BCL2L1: variants seen among roughly 807,000 people sequenced by gnomAD.
BCL2L1 encodes the protein BCL2 like 1, also known as bcl-2-like protein 1.
A neutral mutation model predicts 18.7 loss-of-function variants in BCL2L1; 1 was observed. The ratio of observed to expected loss-of-function variants is 0.05; its 90% CI spans 0.02 to 0.25. BCL2L1 has a LOEUF of 0.25. Among genes scored for constraint, BCL2L1 ranks in the 10% least tolerant of loss-of-function variants. The pLI, the probability that BCL2L1 is intolerant of heterozygous loss-of-function variation, is 1.00. For missense variants in BCL2L1, 207 were observed against 304.9 expected (o/e 0.68, Z 2.39); for synonymous variants, 103 against 122.7 (o/e 0.84, Z 1.06).
At chr20:31,686,546 T>C (rs1393852471) in intron 2 of BCL2L1, among the ~76,000 whole-genome samples, 2 of 152,190 alleles carry the variant, frequency 1.3e-5, no homozygotes, top group Non-Finnish European at 2.9e-5. Flanking sequence ...AGAGTGGAAG[T>C]AGCAAGCTGT....
intron 2 of BCL2L1, 126 bp downstream of exon 2, chr20:31,721,529 G>A (rs2061630660): frequency 8.5e-7 from 1 of 1,179,636 alleles, no homozygotes; most frequent in Non-Finnish European, 1.2e-6. Flanking sequence ...GGCCAGTCAG[G>A]TTTCCTCAAC....
chr20:31,689,694 A>G (rs1430834037), intron 2 of BCL2L1, among the ~76,000 whole-genome samples: 1 of 152,168 alleles, frequency 6.6e-6, no homozygotes. Context: ...TTGGCTCTGA[A>G]GAATACAAAT....
upstream of BCL2L1, chr20:31,723,676 C>A (rs1400865700): frequency 5.1e-6 from 5 of 985,430 alleles, no homozygotes; most frequent in African/African-American, 7.0e-5. Flanking sequence ...GGAAGCGGGA[C>A]GGCGAAGGCT....
At chr20:31,688,955 G>A (rs1169155570) in intron 2 of BCL2L1, among the ~76,000 whole-genome samples, 2 of 152,086 alleles carry the variant, frequency 1.3e-5, no homozygotes, top group Admixed American at 1.3e-4. Flanking sequence ...CACTAGGGTT[G>A]CTACCATCTC....
Position 31,665,104 on chromosome 20 carries a change from G to A in BCL2L1, c.*845C>T, listed in dbSNP as rs755868976. 5.5e-6 allele frequency: 1 copy of A among 181,298 alleles called. No homozygotes were observed. Among genetic ancestry groups the A allele is most frequent in the Non-Finnish European group, 1.2e-5 (1 of 84,652 alleles). 11.2% of individuals were successfully genotyped at this position (181,298 alleles called of 1,614,324 possible). On this transcript the variant is annotated 3_prime_UTR_variant, in exon 3 of 3. Coordinates refer to ENST00000307677, the MANE Select transcript of BCL2L1 (RefSeq NM_138578.3). ...ATGAGGAGCAGCCCAAGGCAAAGATGCCACAGGCTGCTCTTGTAGGAAGTG... is the reference window on the plus strand; with the variant it reads ...ATGAGGAGCAGCCCAAGGCAAAGATACCACAGGCTGCTCTTGTAGGAAGTG...
chr20:31,676,358 T>A (rs535796004), intron 2 of BCL2L1, among the ~76,000 whole-genome samples: 2 of 152,264 alleles, frequency 1.3e-5, no homozygotes, highest in African/African-American at 4.8e-5. Context: ...GCAGAGAGGA[T>A]AAATCACCCT....
At chr20:31,723,799 A>G (rs1238699189), upstream of BCL2L1, 6 of 985,428 alleles carry the variant, frequency 6.1e-6, no homozygotes, top group Non-Finnish European at 7.2e-6. Flanking sequence ...TTCCAGACGC[A>G]AGAGCTCTTC....
intron 2 of BCL2L1, among the ~76,000 whole-genome samples, chr20:31,688,288 AC>A (rs2060996043): frequency 6.6e-6 from 1 of 151,958 alleles, no homozygotes; most frequent in Non-Finnish European, 1.5e-5. Context: ...TACTAAAAAT[AC>A]AAAAATTAGC....
rs117767405 is a variant in BCL2L1 at position 31,712,616 on chromosome 20, G to A, written c.564+9039C>T. 1.5e-3 allele frequency among the ~76,000 whole-genome samples: 226 copies of A among 152,222 alleles called. 3 individuals are homozygous for A. The highest frequency in any genetic ancestry group is 9.3e-3 in the East Asian group (48 of 5,182). On this transcript the variant is annotated intron_variant, in intron 2 of 2. Coordinates refer to ENST00000307677, the MANE Select transcript of BCL2L1 (RefSeq NM_138578.3). ...TGTTTGTAGGCAAGTTTTTAGCCTCGAAGACTCTATGGAAAGGACACGAGG... is the reference window on the plus strand; with the variant it reads ...TGTTTGTAGGCAAGTTTTTAGCCTCAAAGACTCTATGGAAAGGACACGAGG...
At chr20:31,672,607 C>A (rs2060688962) in intron 2 of BCL2L1, among the ~76,000 whole-genome samples, 1 of 152,174 alleles carries the variant, frequency 6.6e-6, no homozygotes, top group Admixed American at 6.5e-5. Context: ...CAGGCAGGGA[C>A]CAAGTCTGGC....
At chr20:31,716,022 C>T (rs2122817265) in intron 2 of BCL2L1, among the ~76,000 whole-genome samples, 2 of 152,192 alleles carry the variant, frequency 1.3e-5, no homozygotes, top group South Asian at 4.2e-4. Flanking sequence ...CCTGCCATAA[C>T]TTGGGTTGCT....
intron 2 of BCL2L1, among the ~76,000 whole-genome samples, chr20:31,693,291 G>A (rs2061113941): frequency 6.6e-6 from 1 of 150,974 alleles, no homozygotes; most frequent in Admixed American, 6.6e-5. Flanking sequence ...AACATAGTGA[G>A]ATCCCATCTC....
rs748607674 is a variant in BCL2L1 at position 31,722,267 on chromosome 20, T to C, written c.-49A>G. ...CCAGTCCATTGTCCAAAACACCTGC[T>C]CACTCACTGAGTCTCGTCTCTGGTT... On this transcript the variant is annotated 5_prime_UTR_variant, in exon 2 of 3. Coordinates refer to ENST00000307677, the MANE Select transcript of BCL2L1 (RefSeq NM_138578.3). 7.5e-7 allele frequency: 1 copy of C among 1,327,860 alleles called. No homozygotes were observed. Among genetic ancestry groups the C allele is most frequent in the East Asian group, 2.4e-5 (1 of 41,676 alleles). The allele number at this position is 1,327,860 out of a possible 1,614,324, so 82.3% of individuals were successfully genotyped here. A position where few individuals can be genotyped will look rare whatever the true frequency, so the allele number is the denominator to read the frequency against.
chr20:31,716,774 T>C (rs2061543614), intron 2 of BCL2L1: 1 of 152,232 alleles, frequency 6.6e-6, no homozygotes, highest in Non-Finnish European at 1.5e-5. Context: ...AACTGTTAAC[T>C]TCTTTTCATT....
At chr20:31,712,554 G>C (rs913908808) in intron 2 of BCL2L1, among the ~76,000 whole-genome samples, 1 of 152,176 alleles carries the variant, frequency 6.6e-6, no homozygotes, top group African/African-American at 2.4e-5. Context: ...TGGGACATGG[G>C]TGTCCCATGA....
At chr20:31,672,566 T>C (rs1312457807) in intron 2 of BCL2L1, among the ~76,000 whole-genome samples, 1 of 152,032 alleles carries the variant, frequency 6.6e-6, no homozygotes, top group Non-Finnish European at 1.5e-5. Context: ...TCTGTGTGCC[T>C]GGTTTCCCCC....
In BCL2L1 at chr20:31,688,170, C is replaced by T. The variant is rs113383107; in HGVS notation, c.565-22084G>A. 2.0e-3 allele frequency among the ~76,000 whole-genome samples: 298 copies of T among 152,138 alleles called. 3 individuals are homozygous for T. Among genetic ancestry groups the T allele is most frequent in the Middle Eastern group, 0.014 (4 of 294 alleles). On this transcript the variant is annotated intron_variant, in intron 2 of 2. Transcript: ENST00000307677. Reference sequence around the variant, plus strand: ...TCAAGAAATGTGCTGATGGCCGGCGCGGTGGCTCACACCTGTAAATCCCAG... The same window carrying T: ...TCAAGAAATGTGCTGATGGCCGGCGTGGTGGCTCACACCTGTAAATCCCAG...
chr20:31,703,718 C>T (rs1317848597), intron 2 of BCL2L1, among the ~76,000 whole-genome samples: 1 of 151,730 alleles, frequency 6.6e-6, no homozygotes, highest in Non-Finnish European at 1.5e-5. Flanking sequence ...TCTGGAACTC[C>T]TGATCTCAGG....
At chr20:31,696,841 A>G (rs1382824300) in intron 2 of BCL2L1, among the ~76,000 whole-genome samples, 1 of 152,042 alleles carries the variant, frequency 6.6e-6, no homozygotes, top group Non-Finnish European at 1.5e-5. Context: ...GGATCATCTG[A>G]GGTCAGGAGT....
Sources: gnomAD v4.1 joint callset for allele counts (sites outside exome capture counted in the v4.1 genomes callset) on GRCh38, gnomAD v4.1.1 for gene constraint, MANE v1.5 for transcripts, NCBI Gene and HGNC (gene_info 2026-07-23, HGNC 2026-07-21) for gene names.